SYT1: variants seen among roughly 807,000 people sequenced by gnomAD.
The protein encoded by SYT1 is synaptotagmin-1.
A neutral mutation model predicts 44.8 loss-of-function variants in SYT1; 8 were observed. The observed-to-expected ratio is 0.18, with a 90% CI of 0.10 to 0.32. SYT1 has a LOEUF of 0.32. Ranked by LOEUF, SYT1 falls within the 10% of genes least tolerant of loss-of-function variation. The pLI is 1.00. For missense variants in SYT1, 286 were observed against 509.3 expected, an observed-to-expected ratio of 0.56 and a Z score of 4.22; for synonymous variants, 154 against 188.8, an observed-to-expected ratio of 0.82 and a Z score of 1.51.
chr12:78,931,220 AAAGAAAGAAAGAAAGAAAGAAGGAAGG>A (rs1565723284), intron 1 of SYT1, among the ~76,000 whole-genome samples: 18 of 59,090 alleles, frequency 3.0e-4, no homozygotes, highest in African/African-American at 1.6e-3. Flanking sequence ...AGAAAGAAAG[AAAGAAAGAAAGAAAGAAAGAAGGAAGG>A]AAGGAAGGAA....
At chr12:79,125,451 C>CAAAA (rs61296536) in intron 3 of SYT1, among the ~76,000 whole-genome samples, 3 of 99,060 alleles carry the variant, frequency 3.0e-5, no homozygotes, top group African/African-American at 1.2e-4. Context: ...ACTGTCTCTA[C>CAAAA]AAAAAAAAAA....
rs796543712 is a variant in SYT1 at position 78,876,893 on chromosome 12, T to A, written c.-217+11784T>A. Among the ~76,000 whole-genome samples, 9 of 33,526 alleles carry A rather than the reference T, an allele frequency of 2.7e-4. No individual in the cohort carries two copies. The South Asian group carries it at 0.013, about 49-fold the overall frequency. 22.0% of individuals were successfully genotyped at this position (33,526 alleles called of 152,430 possible). On this transcript the variant is annotated intron_variant, in intron 1 of 10. Coordinates refer to ENST00000261205, the MANE Select transcript of SYT1 (RefSeq NM_005639.3). Reference sequence around the variant, plus strand: ...TATATTATATGTATTATATATAATATATATTATATATTATATGTATTATAT... The same window carrying A: ...TATATTATATGTATTATATATAATAAATATTATATATTATATGTATTATAT...
intron 4 of SYT1, among the ~76,000 whole-genome samples, chr12:79,240,138 TAGAG>T (rs1158412769): frequency 6.6e-6 from 1 of 152,120 alleles, no homozygotes; most frequent in African/African-American, 2.4e-5. Context: ...CAGGAGAGGG[TAGAG>T]TCTTGAAAAC....
intron 3 of SYT1, among the ~76,000 whole-genome samples, chr12:79,159,283 G>C (rs553901727): frequency 2.6e-5 from 4 of 152,270 alleles, no homozygotes; most frequent in African/African-American, 9.6e-5. Flanking sequence ...ATCATATTCA[G>C]CATTTTGTTT....
chr12:79,394,560 C>G (rs1199978182), intron 9 of SYT1, among the ~76,000 whole-genome samples: 1 of 152,126 alleles, frequency 6.6e-6, no homozygotes, highest in Non-Finnish European at 1.5e-5. Context: ...TGATGCATAA[C>G]CCACCCTTTA....
chr12:78,987,768 T>C (rs1869750118), intron 2 of SYT1, among the ~76,000 whole-genome samples: 1 of 152,070 alleles, frequency 6.6e-6, no homozygotes, highest in Non-Finnish European at 1.5e-5. Context: ...GAAGAGATAT[T>C]ACTAGTTCCC....
intron 3 of SYT1, among the ~76,000 whole-genome samples, chr12:79,193,960 T>C (rs1263161146): frequency 6.6e-6 from 1 of 152,192 alleles, no homozygotes; most frequent in African/African-American, 2.4e-5. Flanking sequence ...GAGATGCTAA[T>C]TGGCTTTAAA....
Position 79,052,379 on chromosome 12 carries a change from G to A in SYT1, c.-18+5017G>A, listed in dbSNP as rs1874570774. Among the ~76,000 whole-genome samples, 8 of 152,096 alleles carry A rather than the reference G, an allele frequency of 5.3e-5. 1 individual carries two copies. Among genetic ancestry groups the A allele is most frequent in the Admixed American group, 5.2e-4 (8 of 15,246 alleles). On this transcript the variant is annotated intron_variant, in intron 3 of 10. Transcript: ENST00000261205. ...TTCAAGATGGATTAAAGACTTACATGTTAGACCTAAAACCATAAAAACCCT... is the reference window on the plus strand; with the variant it reads ...TTCAAGATGGATTAAAGACTTACATATTAGACCTAAAACCATAAAAACCCT...
At chr12:79,289,482 T>G (rs938040998) in intron 5 of SYT1, among the ~76,000 whole-genome samples, 1 of 152,174 alleles carries the variant, frequency 6.6e-6, no homozygotes, top group Non-Finnish European at 1.5e-5. Context: ...TGAGAAATTA[T>G]CAAAAATTTA....
intron 3 of SYT1, among the ~76,000 whole-genome samples, chr12:79,081,618 A>G (rs540923778): frequency 2.6e-5 from 4 of 152,092 alleles, no homozygotes; most frequent in Non-Finnish European, 4.4e-5. Flanking sequence ...CTCTCAGGCA[A>G]TCAGCCCACC....
At chr12:79,360,287 C>T (rs562113790) in intron 9 of SYT1, among the ~76,000 whole-genome samples, 355 of 152,054 alleles carry the variant, frequency 2.3e-3, no homozygotes, top group Non-Finnish European at 4.1e-3. Flanking sequence ...TTTCATCAGT[C>T]CAGTATCCTC....
intron 7 of SYT1, among the ~76,000 whole-genome samples, chr12:79,298,086 T>G (rs1394658134): frequency 6.6e-6 from 1 of 152,124 alleles, no homozygotes; most frequent in African/African-American, 2.4e-5. Flanking sequence ...AGTTGGAAAG[T>G]CCAAATCTGG....
intron 8 of SYT1, among the ~76,000 whole-genome samples, chr12:79,342,720 G>A (rs757186713): frequency 2.0e-5 from 3 of 152,152 alleles, no homozygotes; most frequent in Non-Finnish European, 4.4e-5. Flanking sequence ...AATGATCAAC[G>A]ATCAGTGATA....
chr12:79,376,273 C>T (rs2136060886), intron 9 of SYT1, among the ~76,000 whole-genome samples: 1 of 152,302 alleles, frequency 6.6e-6, no homozygotes, highest in African/African-American at 2.4e-5. Context: ...AATGGCTACT[C>T]CATAGACAGA....
At chr12:78,909,582 A>G (rs1274558175) in intron 1 of SYT1, among the ~76,000 whole-genome samples, 4 of 151,876 alleles carry the variant, frequency 2.6e-5, no homozygotes, top group African/African-American at 7.2e-5. Context: ...TATTTTTCTT[A>G]TGGTTAAATT....
chr12:78,945,711 A>C (rs1415749323), intron 1 of SYT1, among the ~76,000 whole-genome samples: 1 of 152,102 alleles, frequency 6.6e-6, no homozygotes, highest in African/African-American at 2.4e-5. Flanking sequence ...TAATCCAAAG[A>C]CATGAATCTC....
chr12:79,035,157 C>T (rs1873049039), intron 2 of SYT1, among the ~76,000 whole-genome samples: 2 of 151,612 alleles, frequency 1.3e-5, no homozygotes, highest in Admixed American at 6.6e-5. Flanking sequence ...AATCTCACGC[C>T]GAACCCCAAC....
chr12:79,169,691 G>A (rs1565836272), intron 3 of SYT1, among the ~76,000 whole-genome samples: 1 of 152,076 alleles, frequency 6.6e-6, no homozygotes, highest in Non-Finnish European at 1.5e-5. Context: ...AGAGGTATGA[G>A]TAGAGCTTTT....
Position 79,179,387 on chromosome 12 carries a change from G to GATATATATATATCC in SYT1, c.-17-38111_-17-38110insTATATATCCATATA, listed in dbSNP as rs1491382424. Among the ~76,000 whole-genome samples, 3 of 3,618 alleles carry GATATATATATATCC rather than the reference G, an allele frequency of 8.3e-4. No homozygotes were observed. The East Asian group carries it at 0.037, about 44-fold the overall frequency. The allele number at this position is 3,618 out of a possible 152,430, so 2.4% of individuals were successfully genotyped here. A position where few individuals can be genotyped will look rare whatever the true frequency, so the allele number is the denominator to read the frequency against. ...ATATAGATATAGATATAGATATATC[G>GATATATATATATCC]ATATAGATATCCATATAGATATAGA... On this transcript the variant is annotated intron_variant, in intron 3 of 10. Transcript: ENST00000261205.
Sources: allele counts gnomAD v4.1 joint callset (sites outside exome capture counted in the v4.1 genomes callset), GRCh38; gene constraint gnomAD v4.1.1; transcripts MANE v1.5; gene names NCBI Gene and HGNC (gene_info 2026-07-23, HGNC 2026-07-21).